The following RERE variants were observed in gnomAD, a reference collection of about 807,000 sequenced individuals.
The protein encoded by RERE is arginine-glutamic acid dipeptide repeats protein.
Under a neutral mutation model 146.1 loss-of-function variants are expected in RERE, and 40 were observed. The ratio of observed to expected loss-of-function variants is 0.27; its 90% CI spans 0.21 to 0.36. The LOEUF is 0.36. RERE is among the 10% of genes least tolerant of loss of function. The probability of loss-of-function intolerance (pLI) is 1.00; values close to 1 mark genes in which losing one functional copy is unlikely to be tolerated. For synonymous variants in RERE, 1,003 were observed against 866.0 expected, an observed-to-expected ratio of 1.16 and a Z score of -2.78; for missense variants, 1,933 against 2,138.7, an observed-to-expected ratio of 0.90 and a Z score of 1.90.
rs895503651 is a variant in RERE, at chr1:8,814,926, G to A, written c.-145+2234C>T. On this transcript the variant is annotated intron_variant, in intron 1 of 22. Transcript: ENST00000400908. ...AACATAATAATGCCTCAATGCAACC[G>A]TGCCTGTCAAAGGACATCTGTATTA... is the stretch of plus-strand genomic sequence containing the variant. 7.9e-5 allele frequency among the ~76,000 whole-genome samples: 12 copies of A among 152,280 alleles called. No individual in the cohort carries two copies. In the South Asian group the frequency reaches 8.3e-4, roughly 11 times the overall value.
At chr1:8,385,167 T>C (rs950871194) in intron 12 of RERE, among the ~76,000 whole-genome samples, 15 of 152,262 alleles carry the variant, frequency 9.9e-5, no homozygotes, top group African/African-American at 3.6e-4. Context: ...ATTATTCTAA[T>C]TGTATCTTAG....
chr1:8,589,171 G>A (rs962773573), intron 4 of RERE, among the ~76,000 whole-genome samples: 1 of 151,532 alleles, frequency 6.6e-6, no homozygotes, highest in Non-Finnish European at 1.5e-5. Flanking sequence ...CAGGCGTGGT[G>A]GCTCACACCT....
intron 1 of RERE, among the ~76,000 whole-genome samples, chr1:8,697,904 G>A (rs1639369565): frequency 1.3e-5 from 2 of 152,214 alleles, no homozygotes; most frequent in African/African-American, 2.4e-5. Context: ...GTAGATCTGG[G>A]TATTGAAAGG....
At chr1:8,728,185 C>T (rs1640010298) in intron 1 of RERE, among the ~76,000 whole-genome samples, 1 of 152,228 alleles carries the variant, frequency 6.6e-6, no homozygotes, top group Admixed American at 6.5e-5. Flanking sequence ...AGCTGCAAAG[C>T]ACAAACACCA....
intron 4 of RERE, among the ~76,000 whole-genome samples, chr1:8,583,622 G>T (rs1646393939): frequency 6.6e-6 from 1 of 152,010 alleles, no homozygotes; most frequent in African/African-American, 2.4e-5. Context: ...CCGGCACAAG[G>T]AGCCAAGGCA....
chr1:8,498,710 TA>T (rs1220899065), intron 8 of RERE, among the ~76,000 whole-genome samples: 3,582 of 68,072 alleles, frequency 0.053, 174 homozygotes, highest in African/African-American at 0.17. Flanking sequence ...AAAAAAAAAA[TA>T]AAAAAAAAAA....
intron 6 of RERE, among the ~76,000 whole-genome samples, chr1:8,544,797 T>TA (rs1645838701): frequency 6.6e-6 from 1 of 152,162 alleles, no homozygotes; most frequent in Non-Finnish European, 1.5e-5. Context: ...CATATAGCTG[T>TA]AGCCATATGG....
At chr1:8,376,848 G>A (rs1213074778) in intron 12 of RERE, among the ~76,000 whole-genome samples, 4 of 152,146 alleles carry the variant, frequency 2.6e-5, no homozygotes, top group Non-Finnish European at 5.9e-5. Flanking sequence ...TCTGAACTGC[G>A]GCTCAAAACC....
At chr1:8,525,975 C>G in intron 7 of RERE, 1 of 1,347,752 alleles carries the variant, frequency 7.4e-7, no homozygotes, top group African/African-American at 1.5e-5. Context: ...CTCACTCTGA[C>G]AGGACTGAGC....
At chr1:8,563,986 A>G (rs904212400) in intron 4 of RERE, among the ~76,000 whole-genome samples, 1 of 152,224 alleles carries the variant, frequency 6.6e-6, no homozygotes, top group East Asian at 1.9e-4. Flanking sequence ...CGTCTCCCAG[A>G]GACATCACTA....
chr1:8,677,250 T>C (rs770028469), intron 1 of RERE, among the ~76,000 whole-genome samples: 1 of 151,896 alleles, frequency 6.6e-6, no homozygotes, highest in Non-Finnish European at 1.5e-5. Flanking sequence ...GCCAACATGG[T>C]AAAACCCTGT....
At chr1:8,801,074 C>T (rs1641581617) in intron 1 of RERE, among the ~76,000 whole-genome samples, 1 of 152,096 alleles carries the variant, frequency 6.6e-6, no homozygotes, top group East Asian at 1.9e-4. Flanking sequence ...GCCTGAGCAA[C>T]ATGGTAAAAC....
chr1:8,813,333 T>C lies in RERE; in HGVS notation c.-145+3827A>G, dbSNP rs531824717. On this transcript the variant is annotated intron_variant, in intron 1 of 22. Transcript: ENST00000400908. ...CGACTGCAAAAGTAGCTGCCAAAAG[T>C]AGCTTAGTAGGAAAGCATACTACTC... Among the ~76,000 whole-genome samples, 369 of 152,320 alleles carry C rather than the reference T, an allele frequency of 2.4e-3. 3 individuals carry two copies. The highest frequency in any genetic ancestry group is 4.4e-3 in the Non-Finnish European group (302 of 68,022).
chr1:8,356,025 G>C lies in RERE; in HGVS notation c.4486+75C>G. Reference sequence around the variant, plus strand: ...ATGCATGAATGAATGAATGAGTAATGAATGAAGACAGCAGACCAGACCCCA... The same window carrying C: ...ATGCATGAATGAATGAATGAGTAATCAATGAAGACAGCAGACCAGACCCCA... On this transcript the variant is annotated intron_variant, in intron 21 of 22. Transcript: ENST00000400908. The surrounding 1 kb of genome is among the most constrained non-coding windows in gnomAD (Gnocchi z 5.2). 1 of 1,398,504 alleles carries C rather than the reference G, an allele frequency of 7.2e-7. No homozygotes were observed. Among genetic ancestry groups the C allele is most frequent in the Non-Finnish European group, 9.5e-7 (1 of 1,057,576 alleles). The allele number at this position is 1,398,504 out of a possible 1,614,324, so 86.6% of individuals were successfully genotyped here. A position where few individuals can be genotyped will look rare whatever the true frequency, so the allele number is the denominator to read the frequency against.
intron 2 of RERE, among the ~76,000 whole-genome samples, chr1:8,646,432 T>G (rs1444125108): frequency 6.6e-6 from 1 of 151,902 alleles, no homozygotes; most frequent in African/African-American, 2.4e-5. Flanking sequence ...CTTGAGAGGC[T>G]GAGGCAGGAG....
intron 12 of RERE, among the ~76,000 whole-genome samples, chr1:8,409,393 AAGG>A (rs1159291115): frequency 6.6e-6 from 1 of 152,232 alleles, no homozygotes. Context: ...GCAGAGAGAA[AAGG>A]AGAACTGTCC....
intron 2 of RERE, among the ~76,000 whole-genome samples, chr1:8,630,704 A>G (rs1370462164): frequency 6.6e-6 from 1 of 152,196 alleles, no homozygotes; most frequent in Non-Finnish European, 1.5e-5. Context: ...TAGGTGACAG[A>G]GTGAGACCCT....
chr1:8,763,080 T>G (rs1378627438), intron 1 of RERE, among the ~76,000 whole-genome samples: 1 of 152,140 alleles, frequency 6.6e-6, no homozygotes, highest in Non-Finnish European at 1.5e-5. Flanking sequence ...ATAGCAGGTT[T>G]AGAGGACGAA....
chr1:8,804,587 G>C (rs1432152207), intron 1 of RERE, among the ~76,000 whole-genome samples: 1 of 152,182 alleles, frequency 6.6e-6, no homozygotes, highest in Non-Finnish European at 1.5e-5. Context: ...GCAGTTATGT[G>C]TGACCTTGTG....
Sources: gnomAD v4.1 joint callset for allele counts (sites outside exome capture counted in the v4.1 genomes callset) on GRCh38, gnomAD v4.1.1 for gene constraint, Gnocchi (gnomAD v3.1) non-coding constraint, MANE v1.5 for transcripts, NCBI Gene and HGNC (gene_info 2026-07-23, HGNC 2026-07-21) for gene names.